The following AGBL4 variants were observed in gnomAD, a reference collection of about 807,000 sequenced individuals.
The protein encoded by AGBL4 is cytosolic carboxypeptidase 6.
Under a neutral mutation model 66.4 loss-of-function variants are expected in AGBL4, and 58 were observed. The observed-to-expected ratio is 0.87, with a 90% CI of 0.71 to 1.09. The LOEUF (loss-of-function observed/expected upper bound fraction) is 1.09. Among genes scored for constraint, AGBL4 ranks in the 50% least tolerant of loss-of-function variants. AGBL4 has a pLI of 0.00. For synonymous variants in AGBL4, 234 were observed against 222.9 expected (o/e 1.05, Z -0.44); for missense variants, 579 against 631.0 (o/e 0.92, Z 0.88).
intron 4 of AGBL4, among the ~76,000 whole-genome samples, chr1:49,121,890 G>C (rs531987831): frequency 6.6e-6 from 1 of 152,208 alleles, no homozygotes; most frequent in Non-Finnish European, 1.5e-5. Flanking sequence ...CAGCTGCTTT[G>C]TTTACCTACT....
intron 3 of AGBL4, among the ~76,000 whole-genome samples, chr1:49,618,502 G>A (rs968948902): frequency 1.9e-4 from 29 of 152,084 alleles, no homozygotes; most frequent in African/African-American, 7.0e-4. Context: ...AAAAGCCCAG[G>A]ACCAGACAGA....
intron 5 of AGBL4, among the ~76,000 whole-genome samples, chr1:48,952,539 C>A (rs1657085827): frequency 6.6e-6 from 1 of 152,190 alleles, no homozygotes. Flanking sequence ...AAGCAAGAGA[C>A]TAAATGAATG....
chr1:49,521,100 T>G (rs1167314), intron 3 of AGBL4, among the ~76,000 whole-genome samples: 2 of 151,818 alleles, frequency 1.3e-5, no homozygotes, highest in Non-Finnish European at 2.9e-5. Context: ...TGAGCCACTA[T>G]GCCTCACCCA....
At chr1:49,614,142 C>T (rs544141745) in intron 3 of AGBL4, among the ~76,000 whole-genome samples, 2 of 152,108 alleles carry the variant, frequency 1.3e-5, no homozygotes, top group Non-Finnish European at 2.9e-5. Flanking sequence ...AGAAACCCAG[C>T]ACACCTGTAT....
chr1:49,243,991 A>C (rs1001125828), intron 4 of AGBL4, among the ~76,000 whole-genome samples: 2 of 151,856 alleles, frequency 1.3e-5, no homozygotes, highest in Admixed American at 6.6e-5. Flanking sequence ...AAAGCATCAT[A>C]ATCCAAAAGC....
chr1:49,773,110 G>A (rs534966984), intron 2 of AGBL4, among the ~76,000 whole-genome samples: 10 of 152,176 alleles, frequency 6.6e-5, no homozygotes, highest in African/African-American at 2.2e-4. Context: ...GTTTCGGCTA[G>A]TACATTGTTG....
intron 4 of AGBL4, among the ~76,000 whole-genome samples, chr1:49,070,869 G>C (rs1270487966): frequency 1.3e-5 from 2 of 151,768 alleles, no homozygotes; most frequent in East Asian, 1.9e-4. Flanking sequence ...GAATCTGTCT[G>C]TCCTGGACTT....
chr1:49,251,436 C>G (rs1454511951), intron 3 of AGBL4, among the ~76,000 whole-genome samples: 1 of 152,120 alleles, frequency 6.6e-6, no homozygotes, highest in African/African-American at 2.4e-5. Context: ...CTGCCAGTGC[C>G]CCACCCTTGC....
At chr1:49,209,202 C>T (rs1047160491) in intron 4 of AGBL4, among the ~76,000 whole-genome samples, 1 of 152,058 alleles carries the variant, frequency 6.6e-6, no homozygotes, top group Non-Finnish European at 1.5e-5. Context: ...AAATGTATAT[C>T]ATCTCATTTC....
At chr1:48,938,228 C>T (rs1171420250) in intron 5 of AGBL4, among the ~76,000 whole-genome samples, 1 of 152,174 alleles carries the variant, frequency 6.6e-6, no homozygotes, top group East Asian at 1.9e-4. Flanking sequence ...TATTCTGGCA[C>T]ATAACTCAAT....
chr1:49,216,612 T>C (rs1218512162), intron 4 of AGBL4, among the ~76,000 whole-genome samples: 1 of 152,176 alleles, frequency 6.6e-6, no homozygotes, highest in East Asian at 1.9e-4. Flanking sequence ...GGCTGTGTAG[T>C]ATTCCATAGT....
intron 3 of AGBL4, among the ~76,000 whole-genome samples, chr1:49,689,055 G>T (rs1427817201): frequency 1.3e-5 from 2 of 151,962 alleles, no homozygotes; most frequent in Non-Finnish European, 2.9e-5. Flanking sequence ...TTTCTTTGCT[G>T]TGCAGAAGCT....
intron 4 of AGBL4, among the ~76,000 whole-genome samples, chr1:49,129,617 T>C (rs1190261875): frequency 1.3e-5 from 2 of 151,994 alleles, no homozygotes; most frequent in African/African-American, 4.8e-5. Context: ...TCCAATTTCA[T>C]CCATGTCCCT....
intron 11 of AGBL4, among the ~76,000 whole-genome samples, chr1:48,562,264 G>A (rs1032852764): frequency 7.2e-5 from 11 of 152,164 alleles, no homozygotes; most frequent in Non-Finnish European, 1.6e-4. Flanking sequence ...GGGAAAGAAC[G>A]ATTTTGTAGA....
chr1:48,919,189 T>C (rs1270038405), intron 5 of AGBL4, among the ~76,000 whole-genome samples: 1 of 152,222 alleles, frequency 6.6e-6, no homozygotes, highest in Non-Finnish European at 1.5e-5. Context: ...GGATGAACTA[T>C]CTCAGTGGTT....
At chr1:49,977,017 TAA>T (rs979609694) in intron 1 of AGBL4, among the ~76,000 whole-genome samples, 19 of 152,378 alleles carry the variant, frequency 1.2e-4, no homozygotes, top group South Asian at 4.1e-4. Context: ...TTTATAATTA[TAA>T]GTTACCTTTA....
At chr1:49,982,025 T>C (rs545602818) in intron 1 of AGBL4, among the ~76,000 whole-genome samples, 1 of 152,350 alleles carries the variant, frequency 6.6e-6, no homozygotes, top group South Asian at 2.1e-4. Context: ...TTAGTGAATA[T>C]CACTGTTGCA....
At chr1:49,179,217 G>A (rs1646884414) in intron 4 of AGBL4, among the ~76,000 whole-genome samples, 3 of 152,144 alleles carry the variant, frequency 2.0e-5, no homozygotes, top group African/African-American at 2.4e-5. Flanking sequence ...CAAGTAACCA[G>A]TAAGGAGGCT....
intron 4 of AGBL4, among the ~76,000 whole-genome samples, chr1:49,179,100 C>T (rs915851685): frequency 2.0e-5 from 3 of 152,070 alleles, no homozygotes; most frequent in African/African-American, 2.4e-5. Flanking sequence ...TTCCATAATG[C>T]TAAGAGTACT....
Sources: allele counts gnomAD v4.1 joint callset (sites outside exome capture counted in the v4.1 genomes callset), GRCh38; gene constraint gnomAD v4.1.1; transcripts MANE v1.5; gene names NCBI Gene and HGNC (gene_info 2026-07-23, HGNC 2026-07-21).